The following MTO1 variants were observed in gnomAD, a reference collection of about 807,000 sequenced individuals.
The protein encoded by MTO1 is mitochondrial tRNA translation optimization 1, also known as 5-taurinomethyluridine-[tRNA] synthase subunit MTO1, mitochondrial.
Under a neutral mutation model 71.6 loss-of-function variants are expected in MTO1, and 46 were observed. That is an observed-to-expected ratio of 0.64 (90% CI 0.51 to 0.82). The LOEUF is 0.82. MTO1 is among the 40% of genes least tolerant of loss of function. The probability of loss-of-function intolerance (pLI) is 0.00; values close to 1 mark genes in which losing one functional copy is unlikely to be tolerated. For missense variants in MTO1, 773 were observed against 867.5 expected (o/e 0.89, Z 1.37); for synonymous variants, 297 against 312.1 (o/e 0.95, Z 0.51).
intron 4 of MTO1, among the ~76,000 whole-genome samples, chr6:73,479,406 A>T (rs548826408): frequency 1.3e-5 from 2 of 152,184 alleles, no homozygotes; most frequent in Admixed American, 1.3e-4. Context: ...GAGGCAGGAG[A>T]ATCGCTTGAA....
At chr6:73,465,247 T>A (rs1447484652) in intron 1 of MTO1, among the ~76,000 whole-genome samples, 1 of 151,722 alleles carries the variant, frequency 6.6e-6, no homozygotes, top group Admixed American at 6.6e-5. Flanking sequence ...CACTGCAACC[T>A]CAGCCTCCCA....
chr6:73,495,085 G>A (rs1561953374), intron 10 of MTO1, among the ~76,000 whole-genome samples: 1 of 151,872 alleles, frequency 6.6e-6, no homozygotes, highest in Non-Finnish European at 1.5e-5. Flanking sequence ...TACCCAGCCA[G>A]CATTTTTTTC....
chr6:73,496,561 G>C (rs189019947), intron 10 of MTO1, among the ~76,000 whole-genome samples: 92 of 149,604 alleles, frequency 6.1e-4, no homozygotes, highest in African/African-American at 2.2e-3. Flanking sequence ...GTATACATGT[G>C]CCATGCTGGT....
intron 4 of MTO1, among the ~76,000 whole-genome samples, chr6:73,477,820 T>TGAAACGA (rs1771370942): frequency 6.6e-6 from 1 of 152,092 alleles, no homozygotes; most frequent in Admixed American, 6.6e-5. Context: ...AACAACCTTT[T>TGAAACGA]TATTCCCAAT....
Position 73,463,863 on chromosome 6 carries a change from C to G in MTO1, c.217+1792C>G, listed in dbSNP as rs549350862. The stretch of plus-strand genomic sequence containing the variant: ...TCAAGCGATTTCCTGCCTCAGCCTC[C>G]CAAGTGGCTGGGATTAGAGGAGTCT... On this transcript the variant is annotated intron_variant, in intron 1 of 11. Coordinates refer to ENST00000498286, the MANE Select transcript of MTO1 (RefSeq NM_012123.4). Among the ~76,000 whole-genome samples the G allele has an allele frequency of 4.6e-5, 7 of 152,196 alleles. No homozygotes were observed. The South Asian group carries it at 1.5e-3, about 32-fold the overall frequency.
rs529159665 is a variant in MTO1, at chr6:73,488,776, C to T, written c.1638-3458C>T. 1.4e-4 allele frequency among the ~76,000 whole-genome samples: 21 copies of T among 151,936 alleles called. No individual in the cohort carries two copies. The South Asian group carries it at 3.1e-3, about 23-fold the overall frequency. On this transcript the variant is annotated intron_variant, in intron 9 of 11. Coordinates refer to ENST00000498286, the MANE Select transcript of MTO1 (RefSeq NM_012123.4). ...ATACAAAAAAAAAAAAAATTAGCCA[C>T]GCATGGTGGCACATGTCTGTAGTCC...
intron 4 of MTO1, among the ~76,000 whole-genome samples, chr6:73,476,203 A>AAATAAAAAAATAAT (rs1554148607): frequency 1.3e-4 from 19 of 149,976 alleles, no homozygotes; most frequent in Non-Finnish European, 2.1e-4. Flanking sequence ...TCCCTACTAA[A>AAATAAAAAAATAAT]AATAAAAAAA....
At chr6:73,487,657 A>G (rs1771693934) in intron 9 of MTO1, 1 of 146,886 alleles carries the variant, frequency 6.8e-6, no homozygotes, top group African/African-American at 2.5e-5. Flanking sequence ...AGATCCCACT[A>G]TTGATCAGCA....
intron 3 of MTO1, among the ~76,000 whole-genome samples, chr6:73,468,070 C>T (rs1056774628): frequency 4.6e-5 from 7 of 152,056 alleles, no homozygotes; most frequent in Admixed American, 2.0e-4. Context: ...CCACCCGCCT[C>T]GCCCTCCCAG....
At chr6:73,495,579 C>T (rs940288529) in intron 10 of MTO1, among the ~76,000 whole-genome samples, 1 of 151,704 alleles carries the variant, frequency 6.6e-6, no homozygotes, top group African/African-American at 2.4e-5. Context: ...AAAAACTATA[C>T]TAGATTGAAA....
chr6:73,464,965 TG>T (rs1159008889), intron 1 of MTO1, among the ~76,000 whole-genome samples: 5 of 151,458 alleles, frequency 3.3e-5, no homozygotes, highest in Non-Finnish European at 5.9e-5. Context: ...GGTAACCACA[TG>T]GGTTTAGACC....
At chr6:73,473,082 C>G (rs1196691378) in intron 3 of MTO1, among the ~76,000 whole-genome samples, 10 of 152,152 alleles carry the variant, frequency 6.6e-5, no homozygotes, top group Admixed American at 6.5e-4. Context: ...GAATTCGAGA[C>G]CAGCCTGACC....
At chr6:73,472,888 A>T (rs1286212830) in intron 3 of MTO1, among the ~76,000 whole-genome samples, 5 of 152,216 alleles carry the variant, frequency 3.3e-5, no homozygotes, top group African/African-American at 9.6e-5. Context: ...CAAAAATATT[A>T]AAAAAGATTC....
intron 9 of MTO1, among the ~76,000 whole-genome samples, chr6:73,491,779 T>C (rs991035217): frequency 3.3e-5 from 5 of 152,226 alleles, no homozygotes; most frequent in African/African-American, 1.2e-4. Flanking sequence ...ATTGAGGTGC[T>C]ACTGTTTAGC....
chr6:73,463,453 T>G (rs1249157858), intron 1 of MTO1, among the ~76,000 whole-genome samples: 1 of 152,194 alleles, frequency 6.6e-6, no homozygotes, highest in Non-Finnish European at 1.5e-5. Flanking sequence ...TGTAGCATCA[T>G]GATAGATACT....
intron 3 of MTO1, among the ~76,000 whole-genome samples, chr6:73,469,466 A>T (rs1771087506): frequency 6.6e-6 from 1 of 151,892 alleles, no homozygotes; most frequent in Admixed American, 6.6e-5. Context: ...TACTAAAAAT[A>T]AAAAAATTAG....
intron 7 of MTO1, 164 bp downstream of exon 7, chr6:73,480,969 GTTTTTTTT>G (rs398001972): frequency 9.3e-4 from 216 of 232,552 alleles, no homozygotes; most frequent in Middle Eastern, 2.8e-3. Flanking sequence ...AGATAATAGG[GTTTTTTTT>G]TTTTTTTTTT....
At chr6:73,496,032 A>G (rs1430179104) in intron 10 of MTO1, among the ~76,000 whole-genome samples, 1 of 152,184 alleles carries the variant, frequency 6.6e-6, no homozygotes, top group Non-Finnish European at 1.5e-5. Flanking sequence ...TGTGTACTTC[A>G]CAACTATTCT....
At chr6:73,473,813 G>A (rs577109652) in intron 4 of MTO1, among the ~76,000 whole-genome samples, 159 bp downstream of exon 4, 120 of 141,414 alleles carry the variant, frequency 8.5e-4, no homozygotes, top group Non-Finnish European at 1.5e-3. Flanking sequence ...TTGAGATAAG[G>A]TCTCACCTTG....
Sources: allele counts gnomAD v4.1 joint callset (sites outside exome capture counted in the v4.1 genomes callset), GRCh38; gene constraint gnomAD v4.1.1; transcripts MANE v1.5; gene names NCBI Gene and HGNC (gene_info 2026-07-23, HGNC 2026-07-21).